Variants in KCNQ5 observed in about 807,000 individuals in gnomAD.
KCNQ5 encodes potassium voltage-gated channel subfamily Q member 5, also known as potassium voltage-gated channel subfamily KQT member 5.
KCNQ5 carries 30 observed loss-of-function variants against 98.2 expected under a neutral mutation model. The observed-to-expected ratio is 0.31, with a 90% CI of 0.23 to 0.41. The LOEUF is 0.41. Among genes scored for constraint, KCNQ5 ranks in the 10% least tolerant of loss-of-function variants. KCNQ5 has a pLI of 1.00. For synonymous variants in KCNQ5, 458 were observed against 449.4 expected, an observed-to-expected ratio of 1.02 and a Z score of -0.24; for missense variants, 835 against 1,182.5, an observed-to-expected ratio of 0.71 and a Z score of 4.31.
chr6:72,695,735 A>T (rs1387186336), intron 1 of KCNQ5, among the ~76,000 whole-genome samples: 1 of 152,182 alleles, frequency 6.6e-6, no homozygotes, highest in Non-Finnish European at 1.5e-5. Flanking sequence ...GGGAAGATTT[A>T]AACTTGTACT....
At chr6:72,866,239 C>G (rs1777975423) in intron 1 of KCNQ5, among the ~76,000 whole-genome samples, 1 of 149,718 alleles carries the variant, frequency 6.7e-6, no homozygotes, top group Non-Finnish European at 1.5e-5. Flanking sequence ...TTCTAGTTTC[C>G]TCCGCCATCT....
Position 72,640,322 on chromosome 6 carries a change from A to G in KCNQ5, c.398+17735A>G, listed in dbSNP as rs184463561. Among the ~76,000 whole-genome samples the G allele has an allele frequency of 2.3e-3, 354 of 151,782 alleles. 3 individuals carry two copies. Among genetic ancestry groups the G allele is most frequent in the Admixed American group, 5.8e-3 (88 of 15,230 alleles). On this transcript the variant is annotated intron_variant, in intron 1 of 13. Coordinates refer to ENST00000370398, the MANE Select transcript of KCNQ5 (RefSeq NM_019842.4). Reference sequence around the variant, plus strand: ...GAGACAAAGTGTTAAAGCTCCTTATATAATTGCTGGGCAAAAAAAAAAAAA... The same window carrying G: ...GAGACAAAGTGTTAAAGCTCCTTATGTAATTGCTGGGCAAAAAAAAAAAAA...
At chr6:73,157,058 C>G (rs1777389145) in intron 10 of KCNQ5, among the ~76,000 whole-genome samples, 1 of 152,182 alleles carries the variant, frequency 6.6e-6, no homozygotes, top group East Asian at 1.9e-4. Context: ...GGATGAACCA[C>G]CGGGGGCCAG....
intron 1 of KCNQ5, among the ~76,000 whole-genome samples, chr6:72,696,438 ATC>A (rs1169231067): frequency 3.3e-5 from 5 of 152,316 alleles, no homozygotes; most frequent in Non-Finnish European, 4.4e-5. Context: ...TTTTTACACA[ATC>A]TGTTTCCTTT....
chr6:72,897,311 C>T (rs1163389273), intron 1 of KCNQ5, among the ~76,000 whole-genome samples: 1 of 151,966 alleles, frequency 6.6e-6, no homozygotes, highest in African/African-American at 2.4e-5. Context: ...GAGGCCGAGG[C>T]GGGTAGATCA....
chr6:73,147,333 T>C (rs1261632169), intron 10 of KCNQ5, among the ~76,000 whole-genome samples: 1 of 152,184 alleles, frequency 6.6e-6, no homozygotes, highest in Non-Finnish European at 1.5e-5. Flanking sequence ...TTTTGACTAA[T>C]TGAAATCCTG....
intron 1 of KCNQ5, among the ~76,000 whole-genome samples, chr6:72,648,790 T>TA (rs66478642): frequency 8.5e-6 from 1 of 117,918 alleles, no homozygotes; most frequent in Non-Finnish European, 2.0e-5. Flanking sequence ...TTTTTTTTTT[T>TA]AATTCTCAGA....
At chr6:72,835,108 C>G (rs1014391338) in intron 1 of KCNQ5, among the ~76,000 whole-genome samples, 1 of 152,062 alleles carries the variant, frequency 6.6e-6, no homozygotes, top group Non-Finnish European at 1.5e-5. Context: ...TGAATTTTCT[C>G]CAGACACTGT....
intron 11 of KCNQ5, among the ~76,000 whole-genome samples, chr6:73,173,719 T>C (rs982221804): frequency 2.6e-5 from 4 of 151,606 alleles, no homozygotes; most frequent in Non-Finnish European, 5.9e-5. Context: ...GGAGGCTGAG[T>C]TGGGCAGATC....
intron 1 of KCNQ5, among the ~76,000 whole-genome samples, chr6:72,858,078 A>G (rs778964741): frequency 6.6e-6 from 1 of 152,220 alleles, no homozygotes; most frequent in East Asian, 1.9e-4. Flanking sequence ...GCGAGAAGTC[A>G]TTAGAGAAAG....
rs189240856 is a variant in KCNQ5, at chr6:72,896,349, C to G, written c.399-107559C>G. On this transcript the variant is annotated intron_variant, in intron 1 of 13. Transcript: ENST00000370398. ...AAAGTACCCTATGTGGATTATTTAC[C>G]TAGTAAATTGTATTAATGATCATCT... 3.2e-4 allele frequency among the ~76,000 whole-genome samples: 48 copies of G among 151,874 alleles called. No homozygotes were observed. In the East Asian group the frequency reaches 9.1e-3, roughly 29 times the overall value.
At chr6:73,004,043 A>G in intron 2 of KCNQ5, 45 bp downstream of exon 2, 2 of 1,083,926 alleles carry the variant, frequency 1.8e-6, no homozygotes, top group Non-Finnish European at 2.8e-6. Context: ...TTGTATAAGA[A>G]CTGCCTATAA....
In KCNQ5 at chr6:73,118,895, C is replaced by T. The variant is rs779045449; in HGVS notation, c.1126-1588C>T. 7.1e-4 allele frequency among the ~76,000 whole-genome samples: 108 copies of T among 152,162 alleles called. 1 individual carries two copies. The highest frequency in any genetic ancestry group is 6.2e-4 in the South Asian group (3 of 4,818). ...AATTAGCTGGATGTGGTGGTGCGTGCCTGTAGTCCCAGCTACTCAGGAGGC... is the reference window on the plus strand; with the variant it reads ...AATTAGCTGGATGTGGTGGTGCGTGTCTGTAGTCCCAGCTACTCAGGAGGC... On this transcript the variant is annotated intron_variant, in intron 7 of 13. Transcript: ENST00000370398.
intron 9 of KCNQ5, chr6:73,125,666 ATCCATTTTTGCATTATGTTT>A (rs1775950981): frequency 1.0e-5 from 2 of 190,870 alleles, no homozygotes; most frequent in African/African-American, 4.8e-5. Flanking sequence ...GCTCTGGATT[ATCCATTTTTGCATTATGTTT>A]ATATGTAAAG....
chr6:73,142,017 G>T (rs1776734182), intron 10 of KCNQ5, among the ~76,000 whole-genome samples: 1 of 152,194 alleles, frequency 6.6e-6, no homozygotes, highest in African/African-American at 2.4e-5. Flanking sequence ...CCATTACCAA[G>T]CTCAACTGAG....
chr6:72,906,737 C>T (rs533766757), intron 1 of KCNQ5, among the ~76,000 whole-genome samples: 13 of 152,304 alleles, frequency 8.5e-5, no homozygotes, highest in Admixed American at 2.6e-4. Context: ...TGGGCACACA[C>T]GGTATTTGGG....
chr6:72,702,401 G>A (rs1768858608), intron 1 of KCNQ5, among the ~76,000 whole-genome samples: 2 of 152,088 alleles, frequency 1.3e-5, no homozygotes, highest in Admixed American at 1.3e-4. Flanking sequence ...TATTGGCCAA[G>A]ATTAAGGAAA....
chr6:72,878,294 C>T (rs1441392229), intron 1 of KCNQ5, among the ~76,000 whole-genome samples: 1 of 152,014 alleles, frequency 6.6e-6, no homozygotes, highest in Non-Finnish European at 1.5e-5. Flanking sequence ...AAAAGAAAAT[C>T]CATAGATGCC....
intron 3 of KCNQ5, among the ~76,000 whole-genome samples, chr6:73,054,890 A>C (rs778944961): frequency 2.6e-5 from 4 of 152,208 alleles, no homozygotes; most frequent in Non-Finnish European, 5.9e-5. Flanking sequence ...AATAGAGGGG[A>C]AGTCAAACTG....
Sources: gnomAD v4.1 joint callset for allele counts (sites outside exome capture counted in the v4.1 genomes callset) on GRCh38, gnomAD v4.1.1 for gene constraint, MANE v1.5 for transcripts, NCBI Gene and HGNC (gene_info 2026-07-23, HGNC 2026-07-21) for gene names.